TRAPPC9: variants seen among roughly 807,000 people sequenced by gnomAD.
The protein encoded by TRAPPC9 is trafficking protein particle complex subunit 9, also known as IKK2 binding protein.
A neutral mutation model predicts 124.0 loss-of-function variants in TRAPPC9; 83 were observed. That is an observed-to-expected ratio of 0.67 (90% confidence interval 0.56 to 0.80). TRAPPC9 has a LOEUF of 0.80. Ranked by LOEUF, TRAPPC9 falls within the 30% of genes least tolerant of loss-of-function variation. The pLI, the probability that TRAPPC9 is intolerant of heterozygous loss-of-function variation, is 0.00. For synonymous variants in TRAPPC9, 638 were observed against 617.5 expected, an observed-to-expected ratio of 1.03 and a Z score of -0.49; for missense variants, 1,302 against 1,508.3, an observed-to-expected ratio of 0.86 and a Z score of 2.27.
chr8:139,948,531 C>T (rs1834423458), intron 19 of TRAPPC9, among the ~76,000 whole-genome samples: 3 of 152,204 alleles, frequency 2.0e-5, no homozygotes, highest in Admixed American at 6.5e-5. Flanking sequence ...CACAAATTAC[C>T]AGGCTGGCCC....
intron 8 of TRAPPC9, among the ~76,000 whole-genome samples, chr8:140,366,599 A>C (rs1464473369): frequency 6.6e-6 from 1 of 152,260 alleles, no homozygotes; most frequent in East Asian, 1.9e-4. Flanking sequence ...ACCCAAATGC[A>C]GGATGAGAAA....
At chr8:140,244,516 G>C (rs2063932629) in intron 16 of TRAPPC9, among the ~76,000 whole-genome samples, 1 of 152,148 alleles carries the variant, frequency 6.6e-6, no homozygotes, top group Non-Finnish European at 1.5e-5. Context: ...GGAAACCAAA[G>C]CAGGTGATGC....
rs191771696 is a variant in TRAPPC9 at position 139,789,616 on chromosome 8, G to A, written c.3056-57414C>T. Among the ~76,000 whole-genome samples, 56 of 152,286 alleles carry A rather than the reference G, an allele frequency of 3.7e-4. No individual in the cohort carries two copies. The East Asian group carries it at 0.01, about 28-fold the overall frequency. ...TGGCACCCAACCTGTGTGGTCAACA[G>A]TGCTGGGGGGACACCCAGACCTCCC... On this transcript the variant is annotated intron_variant, in intron 21 of 22. Transcript: ENST00000438773.
upstream of TRAPPC9, chr8:140,458,386 TCACGGTACCCCCCGTGACTCC>T: frequency 6.3e-7 from 1 of 1,598,452 alleles, no homozygotes; most frequent in Non-Finnish European, 8.5e-7. Flanking sequence ...CCTGTGACCC[TCACGGTACCCCCCGTGACTCC>T]CACGGTCGTG....
At chr8:140,357,171 G>C (rs2067778782) in intron 9 of TRAPPC9, among the ~76,000 whole-genome samples, 1 of 152,182 alleles carries the variant, frequency 6.6e-6, no homozygotes. Context: ...GAGGCCCAGA[G>C]TCCCTGGTCT....
intron 21 of TRAPPC9, among the ~76,000 whole-genome samples, chr8:139,774,888 G>C (rs982325720): frequency 2.6e-5 from 4 of 152,160 alleles, no homozygotes; most frequent in African/African-American, 7.2e-5. Context: ...GTGCCCGGAG[G>C]GGGACAGAGA....
At chr8:140,348,014 A>C (rs558552464) in intron 9 of TRAPPC9, among the ~76,000 whole-genome samples, 1 of 152,348 alleles carries the variant, frequency 6.6e-6, no homozygotes, top group African/African-American at 2.4e-5. Flanking sequence ...GCTGAGAAGA[A>C]TTTGCCATCG....
At position 140,371,142 on chromosome 8, in the gene TRAPPC9, G is replaced by A. The variant is rs547129477; in HGVS notation, c.1173C>T (p.Leu391=). 4.3e-6 allele frequency: 7 copies of A among 1,614,028 alleles called. No individual in the cohort carries two copies. The South Asian group carries it at 5.5e-5, about 13-fold the overall frequency. ...EEEKIQRYSI[L]SELYELIGFH... Reference sequence around the variant, plus strand: ...AGCCGATCAGCTCATAGAGCTCGGAGAGGATGCTGTAGCGCTGAATTTTCT... The same window carrying A: ...AGCCGATCAGCTCATAGAGCTCGGAAAGGATGCTGTAGCGCTGAATTTTCT... Residue 391 remains leucine (L), a synonymous_variant, in exon 8 of 23, where the codon CTC becomes CTT. Coordinates refer to ENST00000438773, the MANE Select transcript of TRAPPC9 (RefSeq NM_001160372.4).
chr8:140,300,405 T>C lies in TRAPPC9; in HGVS notation c.1768+64A>G, dbSNP rs2065941211. 4 of 1,609,600 alleles carry C rather than the reference T, an allele frequency of 2.5e-6. No individual in the cohort carries two copies. The South Asian group carries it at 3.3e-5, about 13-fold the overall frequency. ...CTGGCTCAAAATGCTGTTCTAAAAA[T>C]CTAGAAAAGCCATTGGAAATCAGGT... is the stretch of plus-strand genomic sequence containing the variant. On this transcript the variant is annotated intron_variant, in intron 11 of 22. Coordinates refer to ENST00000438773, the MANE Select transcript of TRAPPC9 (RefSeq NM_001160372.4).
chr8:140,315,151 C>T (rs1326565597), intron 9 of TRAPPC9, among the ~76,000 whole-genome samples: 3 of 151,126 alleles, frequency 2.0e-5, no homozygotes, highest in Non-Finnish European at 4.4e-5. Flanking sequence ...AAGGTGATCT[C>T]TCATAGCGGT....
intron 17 of TRAPPC9, among the ~76,000 whole-genome samples, chr8:140,177,400 C>A (rs74650734): frequency 2.6e-5 from 4 of 152,112 alleles, no homozygotes; most frequent in Admixed American, 2.6e-4. Flanking sequence ...AAAGCCAATC[C>A]TTCCCCCTTT....
chr8:140,230,997 A>G (rs76002336), intron 16 of TRAPPC9, among the ~76,000 whole-genome samples: 2,009 of 152,302 alleles, frequency 0.013, 40 homozygotes, highest in African/African-American at 0.046. Context: ...GGCGCTTACA[A>G]CAGTGACCTG....
rs549256754 is a variant in TRAPPC9, at chr8:140,278,879, C to A, written c.2115-3058G>T. Among the ~76,000 whole-genome samples, 10 of 152,348 alleles carry A rather than the reference C, an allele frequency of 6.6e-5. 1 individual carries two copies. In the South Asian group the frequency reaches 1.7e-3, roughly 25 times the overall value. On this transcript the variant is annotated intron_variant, in intron 14 of 22. Transcript: ENST00000438773. Reference sequence around the variant, plus strand: ...GAGGCCTTTCCTGAGAAGTTCCCTGCAAAGCAAGCCTGGCCATCTGACACT... The same window carrying A: ...GAGGCCTTTCCTGAGAAGTTCCCTGAAAAGCAAGCCTGGCCATCTGACACT...
intron 21 of TRAPPC9, among the ~76,000 whole-genome samples, chr8:139,872,663 G>A (rs1035519668): frequency 6.8e-6 from 1 of 146,658 alleles, no homozygotes; most frequent in Non-Finnish European, 1.5e-5. Flanking sequence ...TGGATGGATG[G>A]ATGGGTGGGC....
intron 15 of TRAPPC9, among the ~76,000 whole-genome samples, chr8:140,265,438 C>T (rs566153470): frequency 6.6e-6 from 1 of 152,322 alleles, no homozygotes; most frequent in African/African-American, 2.4e-5. Context: ...AGGAAATTCA[C>T]AGTGCAGAGA....
At position 140,192,541 on chromosome 8, in the gene TRAPPC9, G is replaced by A. The variant is rs117075039; in HGVS notation, c.2556+28918C>T. On this transcript the variant is annotated intron_variant, in intron 17 of 22. Transcript: ENST00000438773. Reference sequence around the variant, plus strand: ...GGTGCAGGGGAGGAGCAAGCTGCCCGCCCACAGCCCTCGCACCAGCTGTGC... The same window carrying A: ...GGTGCAGGGGAGGAGCAAGCTGCCCACCCACAGCCCTCGCACCAGCTGTGC... Among the ~76,000 whole-genome samples, 597 of 152,292 alleles carry A rather than the reference G, an allele frequency of 3.9e-3. 4 individuals carry two copies. Among genetic ancestry groups the A allele is most frequent in the Middle Eastern group, 6.8e-3 (2 of 294 alleles).
chr8:140,033,673 T>TTGTTTG (rs1840670489), intron 17 of TRAPPC9, among the ~76,000 whole-genome samples: 1 of 76,732 alleles, frequency 1.3e-5, no homozygotes, highest in Non-Finnish European at 2.6e-5. Flanking sequence ...TTTTTTTTTT[T>TTGTTTG]TTTTTTTTTT....
intron 17 of TRAPPC9, among the ~76,000 whole-genome samples, chr8:140,027,328 G>A (rs1400650650): frequency 6.6e-6 from 1 of 152,160 alleles, no homozygotes; most frequent in African/African-American, 2.4e-5. Flanking sequence ...CAGGCACAGT[G>A]GTCATGGAAA....
chr8:140,144,400 C>T (rs908151926), intron 17 of TRAPPC9, among the ~76,000 whole-genome samples: 9 of 152,212 alleles, frequency 5.9e-5, no homozygotes, highest in Admixed American at 5.9e-4. Context: ...GTCTTGTACA[C>T]GTCATGAGGT....
Sources: gnomAD v4.1 joint callset for allele counts (sites outside exome capture counted in the v4.1 genomes callset) on GRCh38, gnomAD v4.1.1 for gene constraint, MANE v1.5 for transcripts, NCBI Gene and HGNC (gene_info 2026-07-23, HGNC 2026-07-21) for gene names.